The following AGBL4 variants were observed in gnomAD, a reference collection of about 807,000 sequenced individuals.
AGBL4 encodes the protein cytosolic carboxypeptidase 6.
Under a neutral mutation model 66.4 loss-of-function variants are expected in AGBL4, and 58 were observed. That is an observed-to-expected ratio of 0.87 (90% CI 0.71 to 1.09). The LOEUF is 1.09. Among genes scored for constraint, AGBL4 ranks in the 50% least tolerant of loss-of-function variants. AGBL4 has a pLI of 0.00. For synonymous variants in AGBL4, 234 were observed against 222.9 expected (o/e 1.05, Z -0.44); for missense variants, 579 against 631.0 (o/e 0.92, Z 0.88).
At chr1:49,212,481 G>T (rs1300762085) in intron 4 of AGBL4, among the ~76,000 whole-genome samples, 1 of 152,078 alleles carries the variant, frequency 6.6e-6, no homozygotes, top group Non-Finnish European at 1.5e-5. Flanking sequence ...AATTATATTT[G>T]CCATCTAGAA....
rs7533801 is a variant in AGBL4 at position 49,845,130 on chromosome 1, C to T, written c.157+6266G>A. ...GTCACAGCTCAGCACTTACCCAACA[C>T]CACCGTACGCATACAGGACAGAGAC... On this transcript the variant is annotated intron_variant, in intron 2 of 13. Transcript: ENST00000371839. 1,242 of 1,407,550 alleles carry T rather than the reference C, an allele frequency of 8.8e-4. 3 individuals are homozygous for T. Among genetic ancestry groups the T allele is most frequent in the Non-Finnish European group, 1.1e-3 (1,115 of 997,064 alleles). The allele number at this position is 1,407,550 out of a possible 1,614,324, so 87.2% of individuals were successfully genotyped here.
At chr1:48,919,794 A>G (rs1108427) in intron 5 of AGBL4, among the ~76,000 whole-genome samples, 16,108 of 152,246 alleles carry the variant, frequency 0.11, 948 homozygotes, top group African/African-American at 0.12. Context: ...TTGAGGAAAA[A>G]GGGGCAAAAT....
intron 1 of AGBL4, among the ~76,000 whole-genome samples, chr1:49,939,784 G>C (rs1304457259): frequency 6.6e-6 from 1 of 152,140 alleles, no homozygotes; most frequent in Non-Finnish European, 1.5e-5. Context: ...TCAGGACATA[G>C]GCATGGGCAA....
At chr1:49,047,810 A>C (rs188162165) in intron 4 of AGBL4, among the ~76,000 whole-genome samples, 1 of 152,280 alleles carries the variant, frequency 6.6e-6, no homozygotes, top group East Asian at 1.9e-4. Flanking sequence ...GAACTTAAAG[A>C]CTGAGGATCC....
intron 1 of AGBL4, among the ~76,000 whole-genome samples, chr1:49,919,812 G>A (rs1571872855): frequency 6.6e-6 from 1 of 152,164 alleles, no homozygotes; most frequent in Non-Finnish European, 1.5e-5. Flanking sequence ...CAAAGCTGGA[G>A]GCATCACGCT....
At chr1:49,944,958 A>T (rs1655080157) in intron 1 of AGBL4, among the ~76,000 whole-genome samples, 1 of 151,996 alleles carries the variant, frequency 6.6e-6, no homozygotes, top group African/African-American at 2.4e-5. Context: ...CAAGCAGAAG[A>T]AAGAACTTCA....
rs1477612566 is a variant in AGBL4, at chr1:48,534,239, G to A, written c.1446C>T (p.Asn482=). 6.4e-7 allele frequency: 1 copy of A among 1,551,766 alleles called. No homozygotes were observed. The highest frequency in any genetic ancestry group is 2.4e-5 in the East Asian group (1 of 40,912). The change falls in exon 14 of 14, where the codon AAC becomes AAT. Residue 482 remains asparagine, a synonymous_variant. Coordinates refer to ENST00000371839, the MANE Select transcript of AGBL4 (RefSeq NM_032785.4). ...TCTTGTCCCCTTTGCTGTTGGGGTA[G>A]TTGCTGGCTGGGCCCCGCAGGAGTG... ...KHPLLRGPAS[N]YPNSKGDKKS...
At chr1:48,713,440 G>T (rs1308388217) in intron 6 of AGBL4, among the ~76,000 whole-genome samples, 2 of 152,164 alleles carry the variant, frequency 1.3e-5, no homozygotes, top group Non-Finnish European at 2.9e-5. Context: ...GGAAAAGGTT[G>T]GGGTGGGGGT....
chr1:49,441,940 A>G (rs1346962502), intron 3 of AGBL4, among the ~76,000 whole-genome samples: 2 of 152,134 alleles, frequency 1.3e-5, no homozygotes, highest in East Asian at 1.9e-4. Flanking sequence ...ACTTCCACTC[A>G]CCACGGCTGA....
chr1:49,158,241 G>A (rs866332309), intron 4 of AGBL4, among the ~76,000 whole-genome samples: 3 of 152,182 alleles, frequency 2.0e-5, no homozygotes, highest in Middle Eastern at 3.4e-3. Context: ...AGAAAACCTA[G>A]GCAATACCAT....
rs149541077 is a variant in AGBL4, at chr1:48,774,346, T to C, written c.634+92845A>G. ...AGTCAGGAAGGGGTTTGAAGATACA[T>C]AGGAGTTATTCCAGGGTAATGAATT... On this transcript the variant is annotated intron_variant, in intron 6 of 13. Transcript: ENST00000371839. 8.0e-4 allele frequency among the ~76,000 whole-genome samples: 122 copies of C among 152,284 alleles called. 4 individuals are homozygous for C. The East Asian group carries it at 0.021, about 26-fold the overall frequency.
intron 2 of AGBL4, among the ~76,000 whole-genome samples, chr1:49,819,051 GC>G (rs1404985821): frequency 6.6e-6 from 1 of 151,964 alleles, no homozygotes; most frequent in Non-Finnish European, 1.5e-5. Context: ...GAAAAATAGT[GC>G]CTATTTCATG....
intron 4 of AGBL4, among the ~76,000 whole-genome samples, chr1:49,163,631 C>T (rs183429655): frequency 2.6e-4 from 40 of 152,226 alleles, no homozygotes; most frequent in South Asian, 4.1e-4. Flanking sequence ...TCTCAATAAA[C>T]GTCTGTTGAT....
chr1:48,891,449 G>C (rs910026856), intron 5 of AGBL4, among the ~76,000 whole-genome samples: 2 of 152,152 alleles, frequency 1.3e-5, no homozygotes, highest in African/African-American at 4.8e-5. Context: ...AGATGCTGGA[G>C]TCATAATGAT....
intron 5 of AGBL4, among the ~76,000 whole-genome samples, chr1:48,975,328 GAGA>G (rs1178786061): frequency 2.0e-5 from 3 of 152,104 alleles, no homozygotes; most frequent in Non-Finnish European, 1.5e-5. Flanking sequence ...CCCACAGAAA[GAGA>G]AGACTGTGCA....
intron 4 of AGBL4, among the ~76,000 whole-genome samples, chr1:49,245,480 C>A (rs1249332180): frequency 2.6e-5 from 4 of 151,508 alleles, no homozygotes; most frequent in African/African-American, 9.7e-5. Flanking sequence ...TAACAGACTG[C>A]CTTTTCTCAT....
chr1:48,943,402 T>A (rs189250185), intron 5 of AGBL4, among the ~76,000 whole-genome samples: 2 of 152,182 alleles, frequency 1.3e-5, no homozygotes, highest in African/African-American at 4.8e-5. Flanking sequence ...CAGATAAAAA[T>A]GGTGGGTACA....
intron 6 of AGBL4, among the ~76,000 whole-genome samples, chr1:48,786,783 C>T (rs534052241): frequency 1.4e-4 from 22 of 152,176 alleles, no homozygotes; most frequent in Admixed American, 3.9e-4. Flanking sequence ...CCTCTTACTG[C>T]CGGGGAAGAG....
At chr1:49,417,086 A>G (rs1161320180) in intron 3 of AGBL4, among the ~76,000 whole-genome samples, 1 of 152,070 alleles carries the variant, frequency 6.6e-6, no homozygotes, top group Non-Finnish European at 1.5e-5. Context: ...ATGTGTTACA[A>G]TTGACAATAA....
Sources: gnomAD v4.1 joint callset for allele counts (sites outside exome capture counted in the v4.1 genomes callset) on GRCh38, gnomAD v4.1.1 for gene constraint, MANE v1.5 for transcripts, NCBI Gene and HGNC (gene_info 2026-07-23, HGNC 2026-07-21) for gene names.